Variants in CRB1 observed in about 807,000 individuals in gnomAD.
The protein encoded by CRB1 is crumbs cell polarity complex component 1.
In CRB1, 83 loss-of-function variants were observed where a neutral mutation model predicts 120.0. The ratio of observed to expected loss-of-function variants is 0.69; its 90% confidence interval spans 0.58 to 0.83. CRB1 has a LOEUF of 0.83. CRB1 is among the 40% of genes least tolerant of loss of function. The pLI is 0.00. For missense variants in CRB1, 1,699 were observed against 1,687.6 expected (o/e 1.01, Z -0.12); for synonymous variants, 625 against 612.5 (o/e 1.02, Z -0.30).
At chr1:197,316,299 C>T (rs1657834568) in intron 1 of CRB1, among the ~76,000 whole-genome samples, 1 of 152,190 alleles carries the variant, frequency 6.6e-6, no homozygotes, top group Non-Finnish European at 1.5e-5. Flanking sequence ...ATTCTCCTGC[C>T]TCAGCCTCCT....
the CRB1 span, among the ~76,000 whole-genome samples, chr1:197,234,728 A>G: frequency 6.6e-6 from 1 of 152,226 alleles, no homozygotes; most frequent in Non-Finnish European, 1.5e-5. Context: ...GCAAGGACAG[A>G]AGCTATTCAT....
At chr1:197,329,139 A>G (rs1658707607) in intron 2 of CRB1, 136 bp downstream of exon 2, 1 of 791,014 alleles carries the variant, frequency 1.3e-6, no homozygotes. Context: ...ATCACTAGAT[A>G]GAAACTCCCT....
chr1:197,397,989 G>A (rs763296161), intron 5 of CRB1, among the ~76,000 whole-genome samples: 2 of 152,098 alleles, frequency 1.3e-5, no homozygotes, highest in Non-Finnish European at 2.9e-5. Flanking sequence ...CTGGACCTCT[G>A]TTGCCTCTGA....
chr1:197,423,198 A>G (rs1247764796), intron 6 of CRB1, among the ~76,000 whole-genome samples: 1 of 152,166 alleles, frequency 6.6e-6, no homozygotes, highest in Non-Finnish European at 1.5e-5. Context: ...TTCCAGATGC[A>G]GTGACCCATG....
At chr1:197,447,853 C>CAAA (rs397861586) in intron 11 of CRB1, among the ~76,000 whole-genome samples, 2 of 60,006 alleles carry the variant, frequency 3.3e-5, no homozygotes, top group Non-Finnish European at 7.0e-5. Context: ...GAACCTGTCT[C>CAAA]AAAAAAAAAA....
At chr1:197,462,609 G>T (rs866191161) in intron 11 of CRB1, among the ~76,000 whole-genome samples, 10 of 152,126 alleles carry the variant, frequency 6.6e-5, no homozygotes, top group Non-Finnish European at 1.3e-4. Context: ...GAGGGACAAG[G>T]TATAAATGCT....
intron 1 of CRB1, among the ~76,000 whole-genome samples, chr1:197,289,004 A>G (rs919011995): frequency 2.0e-5 from 3 of 151,636 alleles, no homozygotes; most frequent in African/African-American, 7.3e-5. Flanking sequence ...TTTCCAGCCA[A>G]CAGCATGTGG....
the CRB1 span, among the ~76,000 whole-genome samples, chr1:197,227,544 A>G: frequency 9.2e-5 from 14 of 152,146 alleles, no homozygotes; most frequent in African/African-American, 3.1e-4. Flanking sequence ...GTAGGTTCTC[A>G]TAGTCTTGGG....
chr1:197,394,410 T>A (rs141866577), intron 5 of CRB1, among the ~76,000 whole-genome samples: 1 of 152,090 alleles, frequency 6.6e-6, no homozygotes, highest in Non-Finnish European at 1.5e-5. Context: ...TTAGTAGTTA[T>A]GTTTTGGGAT....
At chr1:197,368,429 A>G (rs1661196617) in intron 5 of CRB1, among the ~76,000 whole-genome samples, 2 of 152,208 alleles carry the variant, frequency 1.3e-5, no homozygotes, top group Admixed American at 1.3e-4. Context: ...AGTGTGTATA[A>G]CTATTTACGC....
intron 11 of CRB1, among the ~76,000 whole-genome samples, chr1:197,457,219 T>C (rs1006416499): frequency 1.6e-4 from 25 of 152,116 alleles, no homozygotes; most frequent in African/African-American, 6.0e-4. Context: ...TAGCATCGTA[T>C]AATAATACTA....
Position 197,268,463 on chromosome 1 carries a change from A to G in CRB1, c.51A>G (p.Ser17=), listed in dbSNP as rs1406113977. The change falls in exon 1 of 12, where the codon TCA becomes TCG. Residue 17 remains serine (S), a synonymous_variant. Transcript: ENST00000367400. ...TTCTCATCTTCTACCTCAGTTTCTC[A>G]CTGCTTATCTACATAAAAAGTAAGC... ...NYLLIFYLSF[S]LLIYIKNSFC... is the part of the protein sequence containing the mutation. 1 of 1,611,998 alleles carries G rather than the reference A, an allele frequency of 6.2e-7. No individual in the cohort carries two copies. Among genetic ancestry groups the G allele is most frequent in the Non-Finnish European group, 8.5e-7 (1 of 1,178,154 alleles).
chr1:197,420,327 A>G (rs575398067), intron 5 of CRB1, among the ~76,000 whole-genome samples: 64 of 152,314 alleles, frequency 4.2e-4, no homozygotes, highest in African/African-American at 1.3e-3. Flanking sequence ...CTAATTAGAT[A>G]TATTTTTTGA....
intron 11 of CRB1, among the ~76,000 whole-genome samples, chr1:197,471,095 A>G (rs946151465): frequency 6.6e-6 from 1 of 151,714 alleles, no homozygotes; most frequent in Non-Finnish European, 1.5e-5. Flanking sequence ...CCTTCCTATC[A>G]TAGCTATACC....
intron 1 of CRB1, among the ~76,000 whole-genome samples, chr1:197,304,213 A>T (rs527527181): frequency 1.3e-5 from 2 of 152,320 alleles, no homozygotes; most frequent in South Asian, 2.1e-4. Flanking sequence ...TTCATAGCAC[A>T]TCTCTCAAAA....
intron 1 of CRB1, among the ~76,000 whole-genome samples, chr1:197,274,800 T>C (rs183384033): frequency 6.9e-4 from 105 of 152,290 alleles, no homozygotes; most frequent in Admixed American, 2.4e-3. Flanking sequence ...TTCCATTATA[T>C]AGATGTAGCA....
At chr1:197,446,058 C>T (rs140065662) in intron 11 of CRB1, among the ~76,000 whole-genome samples, 1,610 of 152,028 alleles carry the variant, frequency 0.011, 23 homozygotes, top group African/African-American at 0.038. Context: ...GGCATGGTGG[C>T]GCATGCCTGT....
chr1:197,225,564 T>A, the CRB1 span, among the ~76,000 whole-genome samples: 2 of 152,194 alleles, frequency 1.3e-5, no homozygotes, highest in Non-Finnish European at 2.9e-5. Flanking sequence ...GAATGGGCAA[T>A]GAAATGTTAA....
At chr1:197,213,357 C>T in the CRB1 span, among the ~76,000 whole-genome samples, 3 of 152,258 alleles carry the variant, frequency 2.0e-5, no homozygotes, top group South Asian at 2.1e-4. Context: ...AAAAAGATAT[C>T]CTGGCATTTG....
Sources: allele counts gnomAD v4.1 joint callset (sites outside exome capture counted in the v4.1 genomes callset), GRCh38; gene constraint gnomAD v4.1.1; transcripts MANE v1.5; gene names NCBI Gene and HGNC (gene_info 2026-07-23, HGNC 2026-07-21).